The following UBE3A variants were observed in gnomAD, a reference collection of about 807,000 sequenced individuals.
UBE3A encodes ubiquitin-protein ligase E3A.
A neutral mutation model predicts 83.4 loss-of-function variants in UBE3A; 6 were observed. That is an observed-to-expected ratio of 0.07 (90% CI 0.04 to 0.14). The LOEUF is 0.14. UBE3A is among the 10% of genes least tolerant of loss of function. UBE3A has a pLI of 1.00. For missense variants in UBE3A, 456 were observed against 1,036.1 expected, an observed-to-expected ratio of 0.44 and a Z score of 7.69; for synonymous variants, 337 against 355.4, an observed-to-expected ratio of 0.95 and a Z score of 0.58.
At chr15:25,350,302 A>T (rs1466333736) in intron 11 of UBE3A, among the ~76,000 whole-genome samples, 1 of 151,534 alleles carries the variant, frequency 6.6e-6, no homozygotes, top group Admixed American at 6.6e-5. Flanking sequence ...GTCTCTTTAA[A>T]AAAAAAAAAA....
At chr15:25,409,892 T>C (rs917025192) in intron 2 of UBE3A, among the ~76,000 whole-genome samples, 6 of 151,176 alleles carry the variant, frequency 4.0e-5, no homozygotes, top group African/African-American at 1.5e-4. Flanking sequence ...GTACGTAAAG[T>C]CATTTAACAT....
At position 25,375,755 on chromosome 15, in the gene UBE3A, G is replaced by A; in HGVS notation, c.71C>T (p.Ala24Val). ...DDIEASRMKR[A>V]AAKHLIERYY... is the part of the protein sequence containing the mutation. The stretch of plus-strand genomic sequence containing the variant: ...GCGTTCTATTAGATGCTTTGCAGCT[G>A]CTCGCTTCCTGTACCAAACATTCAA... The change falls in exon 5 of 13, where the codon GCA (alanine) becomes GTA (valine). Residue 24 changes from alanine to valine, a missense_variant. By Grantham distance (64) the Ala-to-Val change is moderately conservative. Around this residue, in one of 13 missense-constraint regions of UBE3A, gnomAD observed 9 missense variants for 45.4 expected, o/e 0.20. Transcript: ENST00000648336. 1 of 1,610,374 alleles carries A rather than the reference G, an allele frequency of 6.2e-7. No homozygotes were observed. Among genetic ancestry groups the A allele is most frequent in the Non-Finnish European group, 8.5e-7 (1 of 1,179,998 alleles).
intron 2 of UBE3A, chr15:25,409,434 A>G (rs1317896390): frequency 4.3e-6 from 1 of 230,426 alleles, no homozygotes; most frequent in Non-Finnish European, 8.5e-6. Context: ...ATGTAATGTT[A>G]TAGTTTCTGA....
At chr15:25,340,748 G>A (rs2074606355) in intron 11 of UBE3A, among the ~76,000 whole-genome samples, 2 of 152,032 alleles carry the variant, frequency 1.3e-5, no homozygotes, top group Non-Finnish European at 2.9e-5. Context: ...CAACCAACTG[G>A]CCCCAAATGC....
intron 4 of UBE3A, among the ~76,000 whole-genome samples, chr15:25,382,120 C>T (rs547427601): frequency 2.6e-5 from 4 of 152,190 alleles, no homozygotes; most frequent in South Asian, 4.1e-4. Context: ...AGATCGAGAC[C>T]ATCCTGGCTA....
intron 1 of UBE3A, among the ~76,000 whole-genome samples, chr15:25,425,854 C>T (rs1010165209): frequency 6.6e-6 from 1 of 152,120 alleles, no homozygotes; most frequent in Non-Finnish European, 1.5e-5. Context: ...AGGAACTTTT[C>T]ATGATTTATG....
chr15:25,420,882 T>C (rs79014457), intron 1 of UBE3A: 12 of 152,166 alleles, frequency 7.9e-5, no homozygotes, highest in African/African-American at 1.7e-4. Context: ...ATCATTCACA[T>C]AGTTAAAAGT....
rs1421951073 is a variant in UBE3A at position 25,377,934 on chromosome 15, T to C, written c.63-2171A>G. Among the ~76,000 whole-genome samples, 4 of 152,144 alleles carry C rather than the reference T, an allele frequency of 2.6e-5. No individual in the cohort carries two copies. The South Asian group carries it at 8.3e-4, about 31-fold the overall frequency. On this transcript the variant is annotated intron_variant, in intron 4 of 12. Coordinates refer to ENST00000648336, the MANE Select transcript of UBE3A (RefSeq NM_130839.5). ...CAGGTGTAGGATGAACCCATTGTTA[T>C]TTCAAAGCATTAATAGCATTTTCTC...
chr15:25,347,222 AACTGAT>A (rs1158003569), intron 11 of UBE3A: 2 of 152,206 alleles, frequency 1.3e-5, no homozygotes, highest in African/African-American at 4.8e-5. Context: ...CATATTGGAT[AACTGAT>A]ACAAAAACTG....
At chr15:25,355,786 T>G (rs2077139584) in intron 9 of UBE3A, 106 bp downstream of exon 9, 2 of 1,146,406 alleles carry the variant, frequency 1.7e-6, no homozygotes, top group African/African-American at 1.6e-5. Flanking sequence ...AGTTACTTGT[T>G]TTTTTTTTGT....
intron 4 of UBE3A, among the ~76,000 whole-genome samples, chr15:25,385,427 T>C (rs2082942693): frequency 6.6e-6 from 1 of 151,928 alleles, no homozygotes; most frequent in African/African-American, 2.4e-5. Context: ...ATGGCCACCA[T>C]TAAAAAAACA....
At chr15:25,411,205 G>C (rs2089923930) in intron 2 of UBE3A, among the ~76,000 whole-genome samples, 1 of 152,164 alleles carries the variant, frequency 6.6e-6, no homozygotes, top group African/African-American at 2.4e-5. Context: ...TTTCCTTATA[G>C]GTAGAACTAG....
chr15:25,417,345 C>A (rs1371156386), intron 1 of UBE3A, among the ~76,000 whole-genome samples: 1 of 151,964 alleles, frequency 6.6e-6, no homozygotes, highest in Admixed American at 6.6e-5. Context: ...GGCTACAAAA[C>A]AAAACACTCT....
In UBE3A at chr15:25,335,546, T is replaced by C. The variant is rs1234133778; in HGVS notation, c.*3591A>G. 1 of 151,686 alleles carries C rather than the reference T, an allele frequency of 6.6e-6. No homozygotes were observed. Among genetic ancestry groups the C allele is most frequent in the Non-Finnish European group, 1.5e-5 (1 of 67,932 alleles). The allele number at this position is 151,686 out of a possible 1,614,324, so 9.4% of individuals were successfully genotyped here. A position where few individuals can be genotyped will look rare whatever the true frequency, so the allele number is the denominator to read the frequency against. On this transcript the variant is annotated 3_prime_UTR_variant, in exon 13 of 13. Transcript: ENST00000648336. ...GGCAGTATAAAGAAGGAAGGAATGA[T>C]GGGAGAGGTTTAGGGGGAAAGAAGT...
chr15:25,431,276 T>G (rs527607462), intron 1 of UBE3A, among the ~76,000 whole-genome samples: 2 of 152,218 alleles, frequency 1.3e-5, no homozygotes, highest in African/African-American at 4.8e-5. Flanking sequence ...ATGAAGCAGC[T>G]TAAGTAATTA....
At chr15:25,350,306 A>G (rs1168088656) in intron 11 of UBE3A, among the ~76,000 whole-genome samples, 1 of 151,812 alleles carries the variant, frequency 6.6e-6, no homozygotes, top group Non-Finnish European at 1.5e-5. Flanking sequence ...CTTTAAAAAA[A>G]AAAAAACCAA....
chr15:25,369,676 A>G (rs1194606365), intron 6 of UBE3A, among the ~76,000 whole-genome samples: 1 of 152,204 alleles, frequency 6.6e-6, no homozygotes, highest in Non-Finnish European at 1.5e-5. Flanking sequence ...TACTAGAAAT[A>G]CAATAAAGCT....
At chr15:25,390,187 T>C (rs1445987148) in intron 4 of UBE3A, among the ~76,000 whole-genome samples, 3 of 152,184 alleles carry the variant, frequency 2.0e-5, no homozygotes, top group East Asian at 1.9e-4. Context: ...CACTCACTCA[T>C]TGCTGGTGAA....
At chr15:25,368,562 G>A (rs2079723987) in intron 6 of UBE3A, among the ~76,000 whole-genome samples, 1 of 151,782 alleles carries the variant, frequency 6.6e-6, no homozygotes, top group African/African-American at 2.4e-5. Flanking sequence ...TGCTTTTGTG[G>A]GCTGGCAATA....
Sources: allele counts gnomAD v4.1 joint callset (sites outside exome capture counted in the v4.1 genomes callset), GRCh38; gene constraint gnomAD v4.1.1; regional missense constraint gnomAD v4.1.1; transcripts MANE v1.5; gene names NCBI Gene and HGNC (gene_info 2026-07-23, HGNC 2026-07-21).